MSN: variants seen among roughly 807,000 people sequenced by gnomAD.
The protein encoded by MSN is moesin.
In MSN, 2 loss-of-function variants were observed where a neutral mutation model predicts 48.0. The observed-to-expected ratio is 0.04, with a 90% confidence interval of 0.02 to 0.13. The LOEUF is 0.13. MSN is among the 10% of genes least tolerant of loss of function. The pLI is 1.00. For missense variants in MSN, 267 were observed against 470.1 expected (o/e 0.57, Z 3.99); for synonymous variants, 146 against 166.9 (o/e 0.87, Z 0.97).
At chrX:65,594,806 T>C (rs1203533086) in intron 1 of MSN, among the ~76,000 whole-genome samples, 2 of 111,672 alleles carry the variant, frequency 1.8e-5, no homozygotes, top group Non-Finnish European at 3.8e-5. Flanking sequence ...TGATCAGACT[T>C]TTTAACCAAG....
chrX:65,616,913 T>C (rs1162475021), intron 1 of MSN, among the ~76,000 whole-genome samples: 1 of 111,086 alleles, frequency 9.0e-6, no homozygotes, highest in Admixed American at 9.6e-5. Flanking sequence ...GTTTTTAGCA[T>C]GAAGAGTTGT....
intron 1 of MSN, among the ~76,000 whole-genome samples, chrX:65,670,896 TTATATATATATATATATATATATATATA>T (rs57076717): frequency 0.01 from 144 of 14,055 alleles, 5 homozygotes; most frequent in African/African-American, 0.025. Flanking sequence ...ATGATGACAG[TTATATATATATATATATATATATATATA>T]TATATATATA....
chrX:65,604,482 T>C (rs1271885155), intron 1 of MSN, among the ~76,000 whole-genome samples: 2 of 112,189 alleles, frequency 1.8e-5, no homozygotes, highest in Admixed American at 1.9e-4. Context: ...GGAAACACTA[T>C]GCATCAACAT....
At chrX:65,661,375 C>T (rs933368101) in intron 1 of MSN, among the ~76,000 whole-genome samples, 4 of 111,628 alleles carry the variant, frequency 3.6e-5, no homozygotes, top group African/African-American at 9.8e-5. Flanking sequence ...AATGATCATA[C>T]GATTTTTGTT....
chrX:65,690,459 C>A (rs981149505), intron 1 of MSN, among the ~76,000 whole-genome samples: 1 of 111,944 alleles, frequency 8.9e-6, no homozygotes, highest in Non-Finnish European at 1.9e-5. Flanking sequence ...TAATTGCACC[C>A]AAGGGAGGTG....
At chrX:65,696,371 G>T (rs773054563) in intron 1 of MSN, among the ~76,000 whole-genome samples, 1 of 111,919 alleles carries the variant, frequency 8.9e-6, no homozygotes, top group Non-Finnish European at 1.9e-5. Context: ...TGAAACACCT[G>T]AGGTAGGTAA....
intron 1 of MSN, among the ~76,000 whole-genome samples, chrX:65,632,716 C>T (rs966272911): frequency 9.0e-6 from 1 of 111,362 alleles, no homozygotes; most frequent in African/African-American, 3.3e-5. Flanking sequence ...CAGTGGGACT[C>T]GTGAAGGTTC....
At chrX:65,657,075 G>C (rs1032475190) in intron 1 of MSN, among the ~76,000 whole-genome samples, 5 of 111,788 alleles carry the variant, frequency 4.5e-5, no homozygotes, top group Non-Finnish European at 9.4e-5. Context: ...GGCCAGAGTC[G>C]GGGAGGGCTG....
intron 1 of MSN, among the ~76,000 whole-genome samples, chrX:65,639,632 A>T (rs947274449): frequency 9.0e-6 from 1 of 111,714 alleles, no homozygotes; most frequent in African/African-American, 3.3e-5. Context: ...CACCTCCTGG[A>T]CAGCATGACC....
intron 1 of MSN, among the ~76,000 whole-genome samples, chrX:65,603,413 T>C (rs2070253841): frequency 8.9e-6 from 1 of 111,828 alleles, no homozygotes; most frequent in African/African-American, 3.3e-5. Context: ...TAGTATGTAC[T>C]ATTATTAGAT....
intron 1 of MSN, among the ~76,000 whole-genome samples, chrX:65,617,286 A>G (rs1004031021): frequency 2.7e-5 from 3 of 111,072 alleles, no homozygotes; most frequent in African/African-American, 1.0e-4. Flanking sequence ...GAATGGTACC[A>G]GTTCCTCCTT....
At chrX:65,710,907 G>A (rs2071407614) in intron 1 of MSN, among the ~76,000 whole-genome samples, 2 of 85,267 alleles carry the variant, frequency 2.3e-5, no homozygotes, top group Non-Finnish European at 4.5e-5. Context: ...TTTTTGAGAT[G>A]GAGTTTTGCT....
At chrX:65,710,909 A>T (rs1207864734) in intron 1 of MSN, among the ~76,000 whole-genome samples, 3 of 96,026 alleles carry the variant, frequency 3.1e-5, no homozygotes, top group African/African-American at 1.3e-4. Flanking sequence ...TTTGAGATGG[A>T]GTTTTGCTCT....
At chrX:65,649,466 C>T (rs1436884848) in intron 1 of MSN, among the ~76,000 whole-genome samples, 5 of 101,363 alleles carry the variant, frequency 4.9e-5, no homozygotes, top group Admixed American at 1.1e-4. Flanking sequence ...GTCCCAGCTC[C>T]TTGGGAGGCT....
At chrX:65,624,626 T>C (rs1311629348) in intron 1 of MSN, 2 of 106,394 alleles carry the variant, frequency 1.9e-5, no homozygotes, top group Non-Finnish European at 3.9e-5. Context: ...GCTCTCTCTT[T>C]TTATTTTTTA....
At chrX:65,590,893 G>A (rs895106507) in intron 1 of MSN, among the ~76,000 whole-genome samples, 1 of 111,246 alleles carries the variant, frequency 9.0e-6, no homozygotes, top group Admixed American at 9.6e-5. Flanking sequence ...GAGCTGCTCT[G>A]TCCCCTTTGG....
intron 1 of MSN, among the ~76,000 whole-genome samples, chrX:65,709,568 G>T (rs1444146851): frequency 2.7e-5 from 3 of 112,085 alleles, no homozygotes; most frequent in African/African-American, 9.7e-5. Context: ...GCCAACCCTA[G>T]CCTCTCTGAC....
At chrX:65,710,815 A>T (rs923409986) in intron 1 of MSN, among the ~76,000 whole-genome samples, 2 of 110,045 alleles carry the variant, frequency 1.8e-5, no homozygotes, top group Non-Finnish European at 3.8e-5. Flanking sequence ...GGTTCAAGCG[A>T]TTCTCCTGCC....
intron 1 of MSN, among the ~76,000 whole-genome samples, chrX:65,635,118 A>G (rs957603831): frequency 7.3e-5 from 8 of 108,989 alleles, no homozygotes; most frequent in African/African-American, 2.7e-4. Context: ...TGTCCGCTGT[A>G]TTCTTTCCTA....
Sources: allele counts gnomAD v4.1 joint callset (sites outside exome capture counted in the v4.1 genomes callset), GRCh38; gene constraint gnomAD v4.1.1; transcripts MANE v1.5; gene names NCBI Gene and HGNC (gene_info 2026-07-23, HGNC 2026-07-21).